Variants in UNC13C observed in about 807,000 individuals in gnomAD.
UNC13C encodes the protein protein unc-13 homolog C.
A neutral mutation model predicts 245.4 loss-of-function variants in UNC13C; 174 were observed. The observed-to-expected ratio is 0.71, with a 90% CI of 0.63 to 0.80. The LOEUF (loss-of-function observed/expected upper bound fraction) is 0.80. UNC13C is among the 30% of genes least tolerant of loss of function. The pLI, the probability that UNC13C is intolerant of heterozygous loss-of-function variation, is 0.00. For synonymous variants in UNC13C, 992 were observed against 895.1 expected (o/e 1.11, Z -1.93); for missense variants, 2,829 against 2,602.9 (o/e 1.09, Z -1.89).
In UNC13C at chr15:54,455,205, CTATATATATATATATA is replaced by C. The variant is rs1214014395; in HGVS notation, c.4934-39385_4934-39370del. ...TCTCTCTCTCTCTCTCTCTCTCTCTCTATATATATATATATATATATATATATATATATGTTTTTTA... is the reference window on the plus strand; with the variant it reads ...TCTCTCTCTCTCTCTCTCTCTCTCTCTATATATATATATATATGTTTTTTA... On this transcript the variant is annotated intron_variant, in intron 19 of 32. Transcript: ENST00000260323. Among the ~76,000 whole-genome samples, 6 of 18,964 alleles carry C rather than the reference CTATATATATATATATA, an allele frequency of 3.2e-4. 3 individuals are homozygous for C. The highest frequency in any genetic ancestry group is 1.8e-3 in the Admixed American group (2 of 1,132). The allele number at this position is 18,964 out of a possible 152,430, so 12.4% of individuals were successfully genotyped here.
rs1330159606 is a variant in UNC13C, at chr15:54,610,760, C to G, written c.6107-11567C>G. ...AAGTAACTTACTCAAGGTCATCTAG[C>G]TGATACTTAGCGAAGCCTGGATTCA... On this transcript the variant is annotated intron_variant, in intron 30 of 32. Coordinates refer to ENST00000260323, the MANE Select transcript of UNC13C (RefSeq NM_001080534.3). 2.0e-5 allele frequency among the ~76,000 whole-genome samples: 3 copies of G among 152,154 alleles called. No homozygotes were observed. The East Asian group carries it at 5.8e-4, about 29-fold the overall frequency.
At chr15:54,004,640 G>T (rs2140979718) in intron 1 of UNC13C, among the ~76,000 whole-genome samples, 1 of 152,214 alleles carries the variant, frequency 6.6e-6, no homozygotes, top group South Asian at 2.1e-4. Context: ...GTATACAAGG[G>T]CTTCCTTTTC....
chr15:53,931,276 C>T, the UNC13C span, among the ~76,000 whole-genome samples: 1 of 152,166 alleles, frequency 6.6e-6, no homozygotes, highest in African/African-American at 2.4e-5. Flanking sequence ...TCAAGTGATT[C>T]TCCTGCCTCA....
intron 2 of UNC13C, among the ~76,000 whole-genome samples, chr15:54,119,894 G>A (rs990726369): frequency 2.6e-5 from 4 of 152,086 alleles, no homozygotes; most frequent in Non-Finnish European, 4.4e-5. Flanking sequence ...AGGCCCTAAG[G>A]CTCCACAATT....
At chr15:54,532,895 A>C in intron 25 of UNC13C, 22 bp from the exon 26 acceptor site, 1 of 1,432,652 alleles carries the variant, frequency 7.0e-7, no homozygotes, top group Middle Eastern at 2.2e-4. Context: ...TATATTTTAG[A>C]ATTTATATTC....
At chr15:54,288,320 C>T (rs559529064) in intron 10 of UNC13C, among the ~76,000 whole-genome samples, 104 of 152,122 alleles carry the variant, frequency 6.8e-4, no homozygotes, top group African/African-American at 2.5e-3. Context: ...CTTCTTTGCT[C>T]ATTTTATCAG....
intron 17 of UNC13C, among the ~76,000 whole-genome samples, chr15:54,343,121 T>G (rs1042412261): frequency 6.6e-6 from 1 of 152,092 alleles, no homozygotes; most frequent in Non-Finnish European, 1.5e-5. Context: ...TTGTACCATG[T>G]AATTACCCAT....
chr15:54,237,843 TCC>T (rs2140835554), intron 7 of UNC13C, among the ~76,000 whole-genome samples, 153 bp downstream of exon 7: 1 of 152,294 alleles, frequency 6.6e-6, no homozygotes, highest in East Asian at 1.9e-4. Flanking sequence ...CAAACAAACT[TCC>T]TCAGGGACTC....
At chr15:54,537,467 A>T (rs757278550) in intron 26 of UNC13C, among the ~76,000 whole-genome samples, 14 of 152,110 alleles carry the variant, frequency 9.2e-5, no homozygotes, top group Non-Finnish European at 2.1e-4. Context: ...TTTTTCACAG[A>T]ATTAGAAAAA....
At chr15:53,873,433 T>A in the UNC13C span, among the ~76,000 whole-genome samples, 2 of 152,148 alleles carry the variant, frequency 1.3e-5, no homozygotes, top group Admixed American at 1.3e-4. Flanking sequence ...ACGATGTCCA[T>A]CTGACCCACA....
intron 10 of UNC13C, among the ~76,000 whole-genome samples, chr15:54,270,992 G>C (rs992898847): frequency 2.6e-5 from 4 of 152,092 alleles, no homozygotes; most frequent in African/African-American, 7.2e-5. Flanking sequence ...TTGGGATTTG[G>C]CCTTAATTAT....
chr15:54,364,422 G>A (rs1342654317), intron 17 of UNC13C, among the ~76,000 whole-genome samples: 2 of 152,174 alleles, frequency 1.3e-5, no homozygotes, highest in East Asian at 1.9e-4. Flanking sequence ...ACAAAGCTCA[G>A]AGACATCAGA....
intron 19 of UNC13C, among the ~76,000 whole-genome samples, chr15:54,476,942 A>G (rs1463458644): frequency 2.7e-5 from 4 of 147,852 alleles, no homozygotes; most frequent in Non-Finnish European, 4.5e-5. Flanking sequence ...ACCCATGAGC[A>G]TGGAATGTTC....
At chr15:54,188,874 A>C (rs1341021093) in intron 4 of UNC13C, among the ~76,000 whole-genome samples, 1 of 152,200 alleles carries the variant, frequency 6.6e-6, no homozygotes. Context: ...ATGTTTTCCA[A>C]ATCAGAGCTT....
chr15:54,316,558 A>G (rs2038014236), intron 13 of UNC13C, among the ~76,000 whole-genome samples: 1 of 151,898 alleles, frequency 6.6e-6, no homozygotes, highest in Non-Finnish European at 1.5e-5. Context: ...TTTTTGCATA[A>G]CTGTACAAAA....
chr15:54,042,793 C>T (rs535746235), intron 2 of UNC13C, among the ~76,000 whole-genome samples: 1 of 152,030 alleles, frequency 6.6e-6, no homozygotes, highest in Non-Finnish European at 1.5e-5. Flanking sequence ...GTGGAACTTG[C>T]AGTGAGCCGA....
At chr15:54,604,080 C>T (rs1326707977) in intron 30 of UNC13C, among the ~76,000 whole-genome samples, 1 of 152,146 alleles carries the variant, frequency 6.6e-6, no homozygotes, top group African/African-American at 2.4e-5. Flanking sequence ...CTTTCACCCT[C>T]AGCTTGTTGA....
rs775005022 is a variant in UNC13C at position 54,264,191 on chromosome 15, C to T, written c.3472C>T (p.His1158Tyr). The stretch of plus-strand genomic sequence containing the variant: ...AGGAGCAGCAGAAAAGAGTTCTAAA[C>T]ATGGTGCCGAAGACAAGACTCAGAC... Reference protein sequence around the residue: ...LQRAAEKSSKHGAEDKTQTII... With the variant: ...LQRAAEKSSKYGAEDKTQTII... The change falls in exon 9 of 33, where the codon CAT becomes TAT. Residue 1158 changes from histidine to tyrosine, a missense_variant. Physicochemically the swap from His to Tyr is moderately conservative, Grantham distance 83 (BLOSUM62 2). Coordinates refer to ENST00000260323, the MANE Select transcript of UNC13C (RefSeq NM_001080534.3). 3.2e-6 allele frequency: 5 copies of T among 1,583,064 alleles called. No homozygotes were observed. Among genetic ancestry groups the T allele is most frequent in the Non-Finnish European group, 4.3e-6 (5 of 1,163,700 alleles).
At chr15:54,564,475 A>G (rs1322400644) in intron 29 of UNC13C, among the ~76,000 whole-genome samples, 1 of 152,066 alleles carries the variant, frequency 6.6e-6, no homozygotes, top group Non-Finnish European at 1.5e-5. Flanking sequence ...GATTAAAAAC[A>G]TGCCTTTCTA....
Sources: allele counts gnomAD v4.1 joint callset (sites outside exome capture counted in the v4.1 genomes callset), GRCh38; gene constraint gnomAD v4.1.1; transcripts MANE v1.5; gene names NCBI Gene and HGNC (gene_info 2026-07-23, HGNC 2026-07-21).